The following ITGA2 variants were observed in gnomAD, a reference collection of about 807,000 sequenced individuals.
ITGA2 encodes the protein integrin subunit alpha 2.
In ITGA2, 101 loss-of-function variants were observed where a neutral mutation model predicts 146.3. The observed-to-expected ratio is 0.69, with a 90% CI of 0.59 to 0.81. The LOEUF (loss-of-function observed/expected upper bound fraction) is 0.81, where lower values mean the gene tolerates loss of function less well. Ranked by LOEUF, ITGA2 falls within the 40% of genes least tolerant of loss-of-function variation. The pLI, the probability that ITGA2 is intolerant of heterozygous loss-of-function variation, is 0.00. For missense variants in ITGA2, 1,281 were observed against 1,402.7 expected (o/e 0.91, Z 1.39); for synonymous variants, 477 against 487.1 (o/e 0.98, Z 0.27).
At position 53,051,484 on chromosome 5, in the gene ITGA2, T is replaced by G; in HGVS notation, c.704T>G (p.Met235Arg). 6.2e-7 allele frequency: 1 copy of G among 1,613,596 alleles called. No individual in the cohort carries two copies. The highest frequency in any genetic ancestry group is 1.1e-5 in the South Asian group (1 of 91,074). Residue 235 changes from methionine (M) to arginine (R), a missense_variant, in exon 7 of 30, where the codon ATG becomes AGG. This residue lies in a region of ITGA2 where 795 missense variants were observed against 841.7 expected (regional missense o/e 0.94). Transcript: ENST00000296585. ...NLNTYKTKEE[M>R]IVATSQTSQY... The stretch of plus-strand genomic sequence containing the variant: ...AACACATATAAAACCAAAGAAGAAA[T>G]GATTGTAGCAACATCCCAGACATCC...
chr5:53,006,067 G>T (rs1741832196), intron 1 of ITGA2, among the ~76,000 whole-genome samples: 1 of 152,084 alleles, frequency 6.6e-6, no homozygotes, highest in African/African-American at 2.4e-5. Flanking sequence ...TGTCGGTGGG[G>T]GCGAGGGGAG....
chr5:53,040,036 G>A lies in ITGA2; in HGVS notation c.186-2076G>A, dbSNP rs115312205. ...AGGTCAGAGGCTATGTAGGTACTTAGGGTTACCTCGAGTTAAAAGAGCCGG... is the reference window on the plus strand; with the variant it reads ...AGGTCAGAGGCTATGTAGGTACTTAAGGTTACCTCGAGTTAAAAGAGCCGG... On this transcript the variant is annotated intron_variant, in intron 2 of 29. Transcript: ENST00000296585. 7.9e-3 allele frequency among the ~76,000 whole-genome samples: 1,207 copies of A among 152,054 alleles called. 19 individuals are homozygous for A. Among genetic ancestry groups the A allele is most frequent in the African/African-American group, 0.028 (1,157 of 41,492 alleles).
In ITGA2 at chr5:53,093,823, A is replaced by T. The variant is rs1252646752; in HGVS notation, c.*3224A>T. 1 of 152,646 alleles carries T rather than the reference A, an allele frequency of 6.6e-6. No homozygotes were observed. Among genetic ancestry groups the T allele is most frequent in the Non-Finnish European group, 1.5e-5 (1 of 68,038 alleles). 9.5% of individuals were successfully genotyped at this position (152,646 alleles called of 1,614,324 possible). Reference sequence around the variant, plus strand: ...TTGACTGCAACACAAGGCTTATAAAATAGTAAGATAGTAAAATAGCTTATG... The same window carrying T: ...TTGACTGCAACACAAGGCTTATAAATTAGTAAGATAGTAAAATAGCTTATG... On this transcript the variant is annotated 3_prime_UTR_variant, in exon 30 of 30. Transcript: ENST00000296585.
At chr5:53,050,617 C>T (rs1744311429) in intron 6 of ITGA2, among the ~76,000 whole-genome samples, 1 of 152,176 alleles carries the variant, frequency 6.6e-6, no homozygotes, top group Non-Finnish European at 1.5e-5. Context: ...TATTGCCATT[C>T]AGAGATCCCT....
At chr5:53,063,310 A>G (rs1160984676) in intron 13 of ITGA2, among the ~76,000 whole-genome samples, 1 of 151,928 alleles carries the variant, frequency 6.6e-6, no homozygotes, top group Non-Finnish European at 1.5e-5. Context: ...CTTTCTTGTT[A>G]TCAGTTGACA....
chr5:53,083,751 AG>A (rs1305988945), intron 27 of ITGA2, among the ~76,000 whole-genome samples: 3 of 152,128 alleles, frequency 2.0e-5, no homozygotes, highest in Non-Finnish European at 4.4e-5. Context: ...CTGGGCTACA[AG>A]GGGCAGCCTG....
At chr5:53,043,981 AG>A (rs1561116503) in intron 3 of ITGA2, among the ~76,000 whole-genome samples, 2 of 152,028 alleles carry the variant, frequency 1.3e-5, no homozygotes, top group Non-Finnish European at 2.9e-5. Context: ...CTTGAAAAGA[AG>A]GGGTGAACTT....
rs146370217 is a variant in ITGA2 at position 53,065,098 on chromosome 5, C to T, written c.1789C>T (p.Arg597Cys). 8.5e-5 allele frequency: 137 copies of T among 1,612,370 alleles called. No homozygotes were observed. The highest frequency in any genetic ancestry group is 2.3e-4 in the Admixed American group (14 of 59,836). Residue 597 changes from arginine (R) to cysteine (C), a missense_variant, in exon 14 of 30, where the codon CGC (arginine) becomes TGC (cysteine). Arg to Cys is a radical substitution (Grantham distance 180). Coordinates refer to ENST00000296585, the MANE Select transcript of ITGA2 (RefSeq NM_002203.4). The part of the protein sequence containing the change: ...YIYNGHQGTI[R>C]TKYSQKILGS... ...TTACAATGGTCATCAGGGCACTATCCGCACAAAGTATTCCCAGGTAATCCA... is the reference window on the plus strand; with the variant it reads ...TTACAATGGTCATCAGGGCACTATCTGCACAAAGTATTCCCAGGTAATCCA...
intron 14 of ITGA2, 151 bp from the exon 15 acceptor site, chr5:53,065,690 T>C: frequency 1.1e-6 from 1 of 938,330 alleles, no homozygotes; most frequent in Non-Finnish European, 1.6e-6. Flanking sequence ...GATAATAAGA[T>C]GTGATTAAAA....
chr5:53,026,726 T>C, intron 1 of ITGA2, 22 bp from the exon 2 acceptor site: 5 of 1,593,462 alleles, frequency 3.1e-6, no homozygotes, highest in Non-Finnish European at 4.3e-6. Flanking sequence ...AAATATGTGC[T>C]ATTTCATATT....
At chr5:53,084,340 A>G (rs1001604766) in intron 27 of ITGA2, among the ~76,000 whole-genome samples, 2 of 152,014 alleles carry the variant, frequency 1.3e-5, no homozygotes, top group African/African-American at 2.4e-5. Context: ...GGTGCTTACA[A>G]CCAAACGCTA....
At chr5:53,032,846 G>A (rs1743287707) in intron 2 of ITGA2, among the ~76,000 whole-genome samples, 1 of 152,110 alleles carries the variant, frequency 6.6e-6, no homozygotes, top group African/African-American at 2.4e-5. Context: ...GAGCACAAGG[G>A]TTTTACCCTC....
At chr5:53,085,936 C>A (rs770564070) in intron 27 of ITGA2, among the ~76,000 whole-genome samples, 1 of 152,002 alleles carries the variant, frequency 6.6e-6, no homozygotes, top group Non-Finnish European at 1.5e-5. Context: ...CCAGACAGAG[C>A]CTTGCTCTGT....
At position 53,086,852 on chromosome 5, in the gene ITGA2, C is replaced by T. The variant is rs1314723386; in HGVS notation, c.3259-100C>T. ...GGTCTTCAGAACCATTTGCTCTTGT[C>T]ACATTCCACCAGGAAATAAATACAT... On this transcript the variant is annotated intron_variant, in intron 27 of 29. Coordinates refer to ENST00000296585, the MANE Select transcript of ITGA2 (RefSeq NM_002203.4). 11 of 969,342 alleles carry T rather than the reference C, an allele frequency of 1.1e-5. No individual in the cohort carries two copies. The East Asian group carries it at 2.3e-4, about 21-fold the overall frequency. The allele number at this position is 969,342 out of a possible 1,614,324, so 60.0% of individuals were successfully genotyped here.
chr5:53,009,227 T>C (rs898684459), intron 1 of ITGA2, among the ~76,000 whole-genome samples: 61 of 152,074 alleles, frequency 4.0e-4, no homozygotes, highest in African/African-American at 1.4e-3. Flanking sequence ...GATATACCCA[T>C]TGTATTAAGT....
At chr5:53,035,360 A>G (rs1743439056) in intron 2 of ITGA2, among the ~76,000 whole-genome samples, 1 of 152,178 alleles carries the variant, frequency 6.6e-6, no homozygotes, top group Admixed American at 6.5e-5. Flanking sequence ...TCTAGTGCCA[A>G]AGCCAATTTC....
intron 28 of ITGA2, among the ~76,000 whole-genome samples, chr5:53,088,515 G>A (rs1420478976): frequency 6.6e-6 from 1 of 151,922 alleles, no homozygotes; most frequent in African/African-American, 2.4e-5. Flanking sequence ...GTGAAAACCT[G>A]TCTCTACTAA....
intron 1 of ITGA2, among the ~76,000 whole-genome samples, chr5:53,003,129 G>C (rs1741671594): frequency 1.3e-5 from 2 of 151,974 alleles, no homozygotes; most frequent in Non-Finnish European, 1.5e-5. Flanking sequence ...TACCCATTGG[G>C]GCTCCCTCTC....
chr5:53,017,409 C>T (rs746812061), intron 1 of ITGA2, among the ~76,000 whole-genome samples: 6 of 152,200 alleles, frequency 3.9e-5, no homozygotes, highest in Non-Finnish European at 7.3e-5. Flanking sequence ...GGCATTGGGC[C>T]CCCCCGCTTT....
Sources: gnomAD v4.1 joint callset for allele counts (sites outside exome capture counted in the v4.1 genomes callset) on GRCh38, gnomAD v4.1.1 for gene constraint, gnomAD v4.1.1 regional missense constraint, MANE v1.5 for transcripts, NCBI Gene and HGNC (gene_info 2026-07-23, HGNC 2026-07-21) for gene names.